ATXN1: variants seen among roughly 807,000 people sequenced by gnomAD.
ATXN1 encodes the protein ataxin 1.
In ATXN1, 8 loss-of-function variants were observed where a neutral mutation model predicts 56.4. That is an observed-to-expected ratio of 0.14 (90% CI 0.08 to 0.26). The LOEUF is 0.26. Ranked by LOEUF, ATXN1 falls within the 10% of genes least tolerant of loss-of-function variation. The pLI is 1.00. For missense variants in ATXN1, 987 were observed against 1,106.5 expected, an observed-to-expected ratio of 0.89 and a Z score of 1.53; for synonymous variants, 514 against 494.6, an observed-to-expected ratio of 1.04 and a Z score of -0.52.
chr6:16,694,391 T>TTAC (rs1386104265), intron 2 of ATXN1, among the ~76,000 whole-genome samples: 1 of 151,992 alleles, frequency 6.6e-6, no homozygotes, highest in African/African-American at 2.4e-5. Context: ...GTAGCTGGGA[T>TTAC]TACAGGTGTG....
chr6:16,722,089 C>A (rs974470076), intron 2 of ATXN1, among the ~76,000 whole-genome samples: 1 of 152,226 alleles, frequency 6.6e-6, no homozygotes, highest in East Asian at 1.9e-4. Context: ...CCAGCCTACA[C>A]AATTAGGCAC....
intron 3 of ATXN1, among the ~76,000 whole-genome samples, chr6:16,643,339 G>T (rs1763741626): frequency 1.3e-5 from 2 of 151,810 alleles, no homozygotes; most frequent in Admixed American, 1.3e-4. Flanking sequence ...CTACAGAAAT[G>T]TAAGCCTGGC....
intron 3 of ATXN1, among the ~76,000 whole-genome samples, chr6:16,646,855 G>C (rs1282242761): frequency 1.3e-5 from 2 of 152,194 alleles, no homozygotes; most frequent in Admixed American, 1.3e-4. Flanking sequence ...CAAGTTTGTA[G>C]GAAGGCATGA....
At position 16,303,057 on chromosome 6, in the gene ATXN1, C is replaced by G. The variant is rs957553788; in HGVS notation, c.*3272G>C. 3 of 152,686 alleles carry G rather than the reference C, an allele frequency of 2.0e-5. No homozygotes were observed. The highest frequency in any genetic ancestry group is 7.2e-5 in the African/African-American group (3 of 41,446). 9.5% of individuals were successfully genotyped at this position (152,686 alleles called of 1,614,324 possible). A position where few individuals can be genotyped will look rare whatever the true frequency, so the allele number is the denominator to read the frequency against. On this transcript the variant is annotated 3_prime_UTR_variant, in exon 8 of 8. Transcript: ENST00000436367. This position sits in a 1 kb window ranked among gnomAD's most constrained non-coding sequence, Gnocchi z 4.3. ...GGTGGTCCCCTCCACAGCCACTGGC[C>G]AACACGCTCAGAACGCACACACACA...
At chr6:16,395,619 A>G (rs1316166468) in intron 6 of ATXN1, among the ~76,000 whole-genome samples, 1 of 152,244 alleles carries the variant, frequency 6.6e-6, no homozygotes, top group South Asian at 2.1e-4. Context: ...TACGCACAGT[A>G]CATAATAGTT....
intron 3 of ATXN1, among the ~76,000 whole-genome samples, chr6:16,636,792 C>A (rs1162827073): frequency 1.3e-5 from 2 of 152,154 alleles, no homozygotes; most frequent in Non-Finnish European, 2.9e-5. Context: ...AAAAAATAAT[C>A]TAAACTAAAT....
chr6:16,529,849 C>T (rs1389804958), intron 4 of ATXN1, among the ~76,000 whole-genome samples: 4 of 152,118 alleles, frequency 2.6e-5, no homozygotes, highest in African/African-American at 9.7e-5. Flanking sequence ...TCATCTTCTC[C>T]ACTAAATTGT....
chr6:16,320,286 A>AAC (rs1229912870), intron 7 of ATXN1, among the ~76,000 whole-genome samples: 3 of 152,150 alleles, frequency 2.0e-5, no homozygotes, highest in Non-Finnish European at 4.4e-5. Context: ...ACATCATGAT[A>AAC]ACAACTGCTG....
intron 7 of ATXN1, among the ~76,000 whole-genome samples, chr6:16,309,043 C>G (rs529209483): frequency 1.1e-4 from 16 of 151,468 alleles, no homozygotes; most frequent in African/African-American, 3.9e-4. Context: ...GTCTGGGCAA[C>G]AAAATGAGAC....
intron 5 of ATXN1, among the ~76,000 whole-genome samples, chr6:16,500,162 C>T (rs1468929655): frequency 2.0e-5 from 3 of 152,138 alleles, no homozygotes; most frequent in African/African-American, 4.8e-5. Flanking sequence ...TTATGATGTC[C>T]GATTAAAACT....
At chr6:16,472,202 AT>A (rs200738995) in intron 6 of ATXN1, among the ~76,000 whole-genome samples, 4 of 151,136 alleles carry the variant, frequency 2.6e-5, no homozygotes, top group Admixed American at 6.6e-5. Context: ...AGAAGATTCT[AT>A]TTTTTTTTAC....
At chr6:16,492,564 T>TC (rs1469721241) in intron 5 of ATXN1, among the ~76,000 whole-genome samples, 2 of 151,572 alleles carry the variant, frequency 1.3e-5, no homozygotes, top group Non-Finnish European at 2.9e-5. Flanking sequence ...ATTTCTTTTT[T>TC]TTTTTGCTTG....
At chr6:16,734,592 C>T (rs915624662) in intron 2 of ATXN1, among the ~76,000 whole-genome samples, 1 of 152,150 alleles carries the variant, frequency 6.6e-6, no homozygotes, top group Non-Finnish European at 1.5e-5. Context: ...ACTGCAGCCT[C>T]GACCTCCCAG....
intron 3 of ATXN1, among the ~76,000 whole-genome samples, chr6:16,635,269 C>T (rs530280847): frequency 6.6e-6 from 1 of 152,274 alleles, no homozygotes; most frequent in Non-Finnish European, 1.5e-5. Flanking sequence ...AAAACAAGCT[C>T]AAGGATCTCA....
At chr6:16,690,622 GAA>G (rs1462155386) in intron 2 of ATXN1, among the ~76,000 whole-genome samples, 2 of 152,118 alleles carry the variant, frequency 1.3e-5, no homozygotes, top group Non-Finnish European at 2.9e-5. Context: ...CATTTATTGA[GAA>G]AAAGTAACTC....
At chr6:16,584,985 C>T (rs1454935614) in intron 4 of ATXN1, among the ~76,000 whole-genome samples, 1 of 151,984 alleles carries the variant, frequency 6.6e-6, no homozygotes, top group Non-Finnish European at 1.5e-5. Flanking sequence ...GTAATCCCAA[C>T]ACTTTGGGAG....
At chr6:16,703,993 C>G (rs181637160) in intron 2 of ATXN1, among the ~76,000 whole-genome samples, 1 of 152,184 alleles carries the variant, frequency 6.6e-6, no homozygotes, top group Admixed American at 6.5e-5. Context: ...CACTCCAGTG[C>G]AGGCAACAAG....
chr6:16,618,487 T>C (rs905930933), intron 3 of ATXN1, among the ~76,000 whole-genome samples: 2 of 152,102 alleles, frequency 1.3e-5, no homozygotes, highest in Non-Finnish European at 2.9e-5. Flanking sequence ...TCCCAGCACT[T>C]TGGGAGGCCG....
At chr6:16,340,538 G>A (rs1456674435) in intron 6 of ATXN1, among the ~76,000 whole-genome samples, 2 of 152,120 alleles carry the variant, frequency 1.3e-5, no homozygotes, top group Admixed American at 6.5e-5. Flanking sequence ...TCCTTTCCCT[G>A]TAATAAGTAT....
Sources: allele counts gnomAD v4.1 joint callset (sites outside exome capture counted in the v4.1 genomes callset), GRCh38; gene constraint gnomAD v4.1.1; non-coding constraint Gnocchi (gnomAD v3.1); transcripts MANE v1.5; gene names NCBI Gene and HGNC (gene_info 2026-07-23, HGNC 2026-07-21).